Variants in JAKMIP3 observed in about 807,000 individuals in gnomAD.
JAKMIP3 encodes the protein Janus kinase and microtubule interacting protein 3, also known as janus kinase and microtubule-interacting protein 3.
Under a neutral mutation model 118.5 loss-of-function variants are expected in JAKMIP3, and 58 were observed. That is an observed-to-expected ratio of 0.49 (90% CI 0.40 to 0.61). JAKMIP3 has a LOEUF of 0.61. JAKMIP3 is among the 20% of genes least tolerant of loss of function. The pLI is 0.00. For missense variants in JAKMIP3, 950 were observed against 1,109.0 expected (o/e 0.86, Z 2.04); for synonymous variants, 486 against 451.2 (o/e 1.08, Z -0.98).
chr10:132,140,786 C>T (rs558770517), intron 10 of JAKMIP3, among the ~76,000 whole-genome samples: 28 of 152,316 alleles, frequency 1.8e-4, no homozygotes, highest in African/African-American at 6.5e-4. Context: ...GTGAGAAGCT[C>T]CCATGACATG....
At chr10:132,037,322 G>A (rs1429830057) in intron 1 of JAKMIP3, among the ~76,000 whole-genome samples, 2 of 152,154 alleles carry the variant, frequency 1.3e-5, no homozygotes, top group African/African-American at 2.4e-5. Flanking sequence ...TCCTGCCCCC[G>A]TCTGAGGTCT....
chr10:132,083,149 G>A (rs2041993387), intron 1 of JAKMIP3, among the ~76,000 whole-genome samples: 1 of 152,176 alleles, frequency 6.6e-6, no homozygotes, highest in Admixed American at 6.5e-5. Context: ...ATTCCCACCA[G>A]CAATGCAGAA....
In JAKMIP3 at chr10:132,112,268, G is replaced by GGGC. The variant is rs1428478920; in HGVS notation, c.136-4808_136-4806dup. On this transcript the variant is annotated intron_variant, in intron 2 of 23. Coordinates refer to ENST00000684848, the MANE Select transcript of JAKMIP3 (RefSeq NM_001323087.2). This position sits in a 1 kb window ranked among gnomAD's most constrained non-coding sequence, Gnocchi z 4.3. ...GTGCCTGCTGTCCCGCGGGGCACAC[G>GGGC]GGCCTCAGGTGTGGGAGCGGGGTCT... Among the ~76,000 whole-genome samples, 1 of 151,940 alleles carries GGGC rather than the reference G, an allele frequency of 6.6e-6. No individual in the cohort carries two copies. Among genetic ancestry groups the GGGC allele is most frequent in the Non-Finnish European group, 1.5e-5 (1 of 67,936 alleles).
At chr10:132,144,231 C>T (rs964300270) in intron 11 of JAKMIP3, 6 of 152,290 alleles carry the variant, frequency 3.9e-5, no homozygotes, top group African/African-American at 1.4e-4. Context: ...TCGGGAGGGA[C>T]TTCACAAACC....
In JAKMIP3 at chr10:132,168,475, C is replaced by A; in HGVS notation, c.*545C>A. On this transcript the variant is annotated 3_prime_UTR_variant, in exon 23 of 24. Transcript: ENST00000684848. Reference sequence around the variant, plus strand: ...GGATGGTCCTGGGAGGGCTCCCCGACGCCTCAGGGGCCCCTCCGATGCTGC... The same window carrying A: ...GGATGGTCCTGGGAGGGCTCCCCGAAGCCTCAGGGGCCCCTCCGATGCTGC... The A allele has an allele frequency of 1.8e-6, 2 of 1,118,036 alleles. No individual in the cohort carries two copies. The highest frequency in any genetic ancestry group is 2.4e-6 in the Non-Finnish European group (2 of 850,172). 69.3% of individuals were successfully genotyped at this position (1,118,036 alleles called of 1,614,324 possible).
intron 23 of JAKMIP3, among the ~76,000 whole-genome samples, chr10:132,178,619 G>GGC (rs1481805049): frequency 6.6e-6 from 1 of 152,180 alleles, no homozygotes; most frequent in Admixed American, 6.5e-5. Flanking sequence ...GAAGAGCAAG[G>GGC]ATCCAGACTG....
At chr10:132,056,933 C>T (rs976311307) in intron 1 of JAKMIP3, among the ~76,000 whole-genome samples, 1 of 152,130 alleles carries the variant, frequency 6.6e-6, no homozygotes, top group Admixed American at 6.5e-5. Context: ...GTCCAGCTCC[C>T]GCCCTGGGTT....
In JAKMIP3 at chr10:132,044,937, T is replaced by C. The variant is rs187401584; in HGVS notation, c.-138+8199T>C. ...GCATGCGCGTCAGGATTTCCTTCCT[T>C]GAAGGCTGAATCCTACTCCACGGAA... On this transcript the variant is annotated intron_variant, in intron 1 of 23. Transcript: ENST00000657785. The surrounding 1 kb of genome is among the most constrained non-coding windows in gnomAD (Gnocchi z 5.3). Among the ~76,000 whole-genome samples the C allele has an allele frequency of 6.6e-6, 1 of 152,092 alleles. No individual in the cohort carries two copies. Among genetic ancestry groups the C allele is most frequent in the African/African-American group, 2.4e-5 (1 of 41,398 alleles).
At chr10:132,091,202 T>C (rs1329320363) in intron 1 of JAKMIP3, among the ~76,000 whole-genome samples, 2 of 152,202 alleles carry the variant, frequency 1.3e-5, no homozygotes, top group African/African-American at 4.8e-5. Flanking sequence ...CTTCCAACTA[T>C]GTGGTCAGTT....
intron 19 of JAKMIP3, among the ~76,000 whole-genome samples, chr10:132,156,430 C>T (rs1400203701): frequency 6.6e-6 from 1 of 152,200 alleles, no homozygotes; most frequent in African/African-American, 2.4e-5. Flanking sequence ...AGGGATCAGC[C>T]TAGCTGGCAG....
chr10:132,101,566 T>C (rs1246910505), intron 1 of JAKMIP3, among the ~76,000 whole-genome samples: 1 of 152,208 alleles, frequency 6.6e-6, no homozygotes. Context: ...CCAGATTTTA[T>C]TTTCCCTTTT....
chr10:132,040,184 T>TGGGTGCCCTTACAAGAAGGGAC (rs1457799858), intron 1 of JAKMIP3, among the ~76,000 whole-genome samples: 1 of 151,968 alleles, frequency 6.6e-6, no homozygotes, highest in African/African-American at 2.4e-5. Flanking sequence ...CAGGATGGGA[T>TGGGTGCCCTTACAAGAAGGGAC]GGGTGCCCTT....
intron 1 of JAKMIP3, among the ~76,000 whole-genome samples, chr10:132,093,674 C>G (rs1202189361): frequency 6.6e-6 from 1 of 152,198 alleles, no homozygotes; most frequent in Non-Finnish European, 1.5e-5. Context: ...TTCCTGACCC[C>G]TTGCACTTCC....
rs2048077828 is a variant in JAKMIP3, at chr10:132,118,556, G to T, written c.633+982G>T. On this transcript the variant is annotated intron_variant, in intron 3 of 23. Transcript: ENST00000684848. The surrounding 1 kb of genome is among the most constrained non-coding windows in gnomAD (Gnocchi z 4.8). ...TCCGGTCTCCAGGGATGGCCTCCAG[G>T]CTGGGCCAGCATGTGGAACTCCCAG... Among the ~76,000 whole-genome samples, 1 of 152,232 alleles carries T rather than the reference G, an allele frequency of 6.6e-6. No homozygotes were observed. Among genetic ancestry groups the T allele is most frequent in the Non-Finnish European group, 1.5e-5 (1 of 68,028 alleles).
intron 23 of JAKMIP3, among the ~76,000 whole-genome samples, chr10:132,180,770 CGTGTGTGTGTGT>C (rs1272261097): frequency 1.9e-5 from 1 of 52,218 alleles, no homozygotes; most frequent in African/African-American, 1.2e-4. Flanking sequence ...CGTGTGTGTG[CGTGTGTGTGTGT>C]GCGCGTATGC....
At chr10:132,139,240 CTG>C (rs1284873787) in intron 9 of JAKMIP3, among the ~76,000 whole-genome samples, 15 of 84,910 alleles carry the variant, frequency 1.8e-4, no homozygotes, top group South Asian at 6.6e-4. Context: ...GTATATGCAT[CTG>C]TGTGTGTATG....
At chr10:132,161,945 A>AG (rs2058393830) in intron 19 of JAKMIP3, among the ~76,000 whole-genome samples, 1 of 137,258 alleles carries the variant, frequency 7.3e-6, no homozygotes, top group Non-Finnish European at 1.7e-5. Flanking sequence ...TCCAACAGGA[A>AG]GGCCCCCTTG....
chr10:132,059,998 G>T (rs1409973841), upstream of JAKMIP3, among the ~76,000 whole-genome samples: 1 of 152,236 alleles, frequency 6.6e-6, no homozygotes, highest in Non-Finnish European at 1.5e-5. Flanking sequence ...CTGGGAGCCA[G>T]AGGCTGCATC....
At chr10:132,158,601 G>A (rs140896579) in intron 19 of JAKMIP3, among the ~76,000 whole-genome samples, 2 of 152,220 alleles carry the variant, frequency 1.3e-5, no homozygotes, top group African/African-American at 2.4e-5. Context: ...GGGACTGGGG[G>A]CATCCTCCTG....
Sources: allele counts gnomAD v4.1 joint callset (sites outside exome capture counted in the v4.1 genomes callset), GRCh38; gene constraint gnomAD v4.1.1; non-coding constraint Gnocchi (gnomAD v3.1); transcripts MANE v1.5; gene names NCBI Gene and HGNC (gene_info 2026-07-23, HGNC 2026-07-21).